FOXP1: variants seen among roughly 807,000 people sequenced by gnomAD.
The protein encoded by FOXP1 is forkhead box P1.
FOXP1 carries 15 observed loss-of-function variants against 98.2 expected under a neutral mutation model. The ratio of observed to expected loss-of-function variants is 0.15; its 90% CI spans 0.10 to 0.24. FOXP1 has a LOEUF of 0.24. FOXP1 is among the 10% of genes least tolerant of loss of function. FOXP1 has a pLI of 1.00. For missense variants in FOXP1, 633 were observed against 848.5 expected (o/e 0.75, Z 3.15); for synonymous variants, 371 against 314.5 (o/e 1.18, Z -1.90).
chr3:71,034,683 C>T (rs952072406), intron 11 of FOXP1, among the ~76,000 whole-genome samples: 1 of 152,204 alleles, frequency 6.6e-6, no homozygotes, highest in Non-Finnish European at 1.5e-5. Flanking sequence ...CATCACATGT[C>T]AGGTCCTTTC....
At chr3:71,349,147 T>C (rs2077601062) in intron 4 of FOXP1, among the ~76,000 whole-genome samples, 1 of 149,052 alleles carries the variant, frequency 6.7e-6, no homozygotes, top group Non-Finnish European at 1.5e-5. Flanking sequence ...ATCATATTTG[T>C]ATAATCAAGG....
At chr3:71,559,583 C>G (rs1406631025) in intron 2 of FOXP1, among the ~76,000 whole-genome samples, 1 of 152,150 alleles carries the variant, frequency 6.6e-6, no homozygotes, top group African/African-American at 2.4e-5. Context: ...GTGGCTCATA[C>G]TTGTAATCCC....
chr3:71,004,010 T>G (rs547285680), intron 12 of FOXP1, among the ~76,000 whole-genome samples: 1 of 152,168 alleles, frequency 6.6e-6, no homozygotes, highest in African/African-American at 2.4e-5. Flanking sequence ...TTTTGGTTAT[T>G]TACTATAGTT....
At chr3:71,345,346 C>T (rs1177991926) in intron 4 of FOXP1, among the ~76,000 whole-genome samples, 1 of 150,058 alleles carries the variant, frequency 6.7e-6, no homozygotes, top group Non-Finnish European at 1.5e-5. Flanking sequence ...CAAGACTGTG[C>T]CACTGAACTC....
intron 4 of FOXP1, among the ~76,000 whole-genome samples, chr3:71,317,209 T>C (rs1421524814): frequency 1.3e-5 from 2 of 152,206 alleles, no homozygotes; most frequent in Admixed American, 6.5e-5. Flanking sequence ...CATGCTAAAA[T>C]ATATAGGAAA....
intron 2 of FOXP1, among the ~76,000 whole-genome samples, chr3:71,554,273 G>A (rs2045968650): frequency 6.6e-6 from 1 of 152,134 alleles, no homozygotes; most frequent in Non-Finnish European, 1.5e-5. Flanking sequence ...AGGATAGCTT[G>A]AGACCACGAG....
chr3:71,027,669 T>C (rs1304104750), intron 11 of FOXP1, among the ~76,000 whole-genome samples: 1 of 152,214 alleles, frequency 6.6e-6, no homozygotes, highest in Non-Finnish European at 1.5e-5. Flanking sequence ...TAAGATTTGA[T>C]ATTACATATA....
chr3:71,460,672 C>T (rs1024147564), intron 3 of FOXP1, among the ~76,000 whole-genome samples: 2 of 152,184 alleles, frequency 1.3e-5, no homozygotes, highest in Admixed American at 1.3e-4. Flanking sequence ...CTCCTGAGCT[C>T]AGGCAATCTG....
intron 6 of FOXP1, among the ~76,000 whole-genome samples, chr3:71,192,810 T>G (rs1487514251): frequency 6.6e-6 from 1 of 151,838 alleles, no homozygotes; most frequent in African/African-American, 2.4e-5. Context: ...CCATCACCCC[T>G]AGATAACTTT....
chr3:70,985,729 A>C (rs1575882460), intron 14 of FOXP1, among the ~76,000 whole-genome samples: 1 of 152,246 alleles, frequency 6.6e-6, no homozygotes, highest in East Asian at 1.9e-4. Flanking sequence ...ACATTTACAT[A>C]AACTAATCCA....
chr3:71,003,035 A>T (rs1462540771), intron 12 of FOXP1, among the ~76,000 whole-genome samples: 2 of 152,222 alleles, frequency 1.3e-5, no homozygotes, highest in Non-Finnish European at 2.9e-5. Context: ...CATTCATTGG[A>T]AGGAGCTGGA....
chr3:71,494,121 A>G (rs1423123393), intron 2 of FOXP1, among the ~76,000 whole-genome samples: 1 of 152,128 alleles, frequency 6.6e-6, no homozygotes, highest in Non-Finnish European at 1.5e-5. Flanking sequence ...TCCATCAAGA[A>G]AGCACATACG....
At chr3:71,553,192 T>C (rs771287287) in intron 2 of FOXP1, among the ~76,000 whole-genome samples, 4 of 152,154 alleles carry the variant, frequency 2.6e-5, no homozygotes, top group Non-Finnish European at 5.9e-5. Context: ...TTCTACTATG[T>C]GGTATTGAAG....
chr3:71,123,182 A>G (rs772898652), intron 6 of FOXP1, among the ~76,000 whole-genome samples: 1 of 152,090 alleles, frequency 6.6e-6, no homozygotes, highest in South Asian at 2.1e-4. Flanking sequence ...CTCTGTCCAC[A>G]ATCCAATTCC....
intron 2 of FOXP1, among the ~76,000 whole-genome samples, chr3:71,498,141 T>C (rs4322971): frequency 0.011 from 1,712 of 152,290 alleles, 19 homozygotes; most frequent in Middle Eastern, 0.017. Flanking sequence ...AAGCGTGGAA[T>C]GCCACCGGGG....
At chr3:71,469,410 A>C (rs9812743) in intron 3 of FOXP1, among the ~76,000 whole-genome samples, 6,008 of 152,330 alleles carry the variant, frequency 0.039, 381 homozygotes, top group African/African-American at 0.14. Context: ...TCTATAGTTT[A>C]ATCTCTTTCC....
intron 20 of FOXP1, among the ~76,000 whole-genome samples, chr3:70,962,322 C>G (rs1397219176): frequency 7.2e-5 from 11 of 152,142 alleles, no homozygotes; most frequent in Non-Finnish European, 1.3e-4. Flanking sequence ...AATCTTTCTA[C>G]TCTATTTCTG....
intron 3 of FOXP1, among the ~76,000 whole-genome samples, chr3:71,467,254 T>C (rs2088867873): frequency 6.6e-6 from 1 of 152,214 alleles, no homozygotes; most frequent in African/African-American, 2.4e-5. Context: ...TATATACCTA[T>C]ATACCAGTAA....
intron 19 of FOXP1, chr3:70,970,402 C>G: frequency 2.9e-6 from 1 of 346,462 alleles, no homozygotes; most frequent in South Asian, 2.7e-5. Context: ...TATCATCCAG[C>G]ACATTAATAG....
Sources: gnomAD v4.1 joint callset for allele counts (sites outside exome capture counted in the v4.1 genomes callset) on GRCh38, gnomAD v4.1.1 for gene constraint, MANE v1.5 for transcripts, NCBI Gene and HGNC (gene_info 2026-07-23, HGNC 2026-07-21) for gene names.